Variants in CTNNA3 observed in about 807,000 individuals in gnomAD.
CTNNA3 encodes catenin alpha-3.
CTNNA3 carries 76 observed loss-of-function variants against 95.7 expected under a neutral mutation model. The observed-to-expected ratio is 0.79, with a 90% CI of 0.66 to 0.96. The LOEUF (loss-of-function observed/expected upper bound fraction) is 0.96, where lower values mean the gene tolerates loss of function less well. Ranked by LOEUF, CTNNA3 falls within the 40% of genes least tolerant of loss-of-function variation. The pLI is 0.00. For missense variants in CTNNA3, 1,191 were observed against 1,089.8 expected, an observed-to-expected ratio of 1.09 and a Z score of -1.31; for synonymous variants, 431 against 374.4, an observed-to-expected ratio of 1.15 and a Z score of -1.74.
intron 13 of CTNNA3, among the ~76,000 whole-genome samples, chr10:66,224,301 A>C (rs1179938793): frequency 2.6e-5 from 4 of 152,110 alleles, no homozygotes; most frequent in Non-Finnish European, 4.4e-5. Flanking sequence ...TGACTAATAC[A>C]AGTAGGAAGC....
chr10:67,392,836 C>T (rs1286591029), intron 5 of CTNNA3, among the ~76,000 whole-genome samples: 4 of 151,970 alleles, frequency 2.6e-5, no homozygotes, highest in Non-Finnish European at 4.4e-5. Flanking sequence ...TATTCTCACT[C>T]ATAGGTGGGA....
intron 11 of CTNNA3, among the ~76,000 whole-genome samples, chr10:66,386,592 A>G (rs1330911307): frequency 6.6e-6 from 1 of 152,172 alleles, no homozygotes; most frequent in Non-Finnish European, 1.5e-5. Context: ...TTGGAGAAAC[A>G]CTACTTTAAA....
intron 14 of CTNNA3, among the ~76,000 whole-genome samples, chr10:66,089,441 C>G (rs915249673): frequency 6.7e-6 from 1 of 150,268 alleles, no homozygotes; most frequent in Admixed American, 6.7e-5. Context: ...CTTCTATATA[C>G]TTTTGTTTAT....
intron 9 of CTNNA3, among the ~76,000 whole-genome samples, chr10:66,638,313 A>C (rs1845403342): frequency 6.6e-6 from 1 of 152,106 alleles, no homozygotes. Context: ...ACTCAAGTGC[A>C]ATTCGTGATT....
chr10:67,494,444 T>C (rs1206169407), intron 5 of CTNNA3, among the ~76,000 whole-genome samples: 4 of 152,250 alleles, frequency 2.6e-5, no homozygotes, highest in South Asian at 2.1e-4. Context: ...AGGTTTCTTT[T>C]GTAGGCCTGA....
intron 12 of CTNNA3, among the ~76,000 whole-genome samples, chr10:66,334,892 C>G (rs2092376960): frequency 6.6e-6 from 1 of 152,108 alleles, no homozygotes. Context: ...TTTGGTCTTT[C>G]ACATAGTTCC....
chr10:67,259,464 C>T (rs2132385282), intron 5 of CTNNA3, among the ~76,000 whole-genome samples: 1 of 152,074 alleles, frequency 6.6e-6, no homozygotes, highest in South Asian at 2.1e-4. Flanking sequence ...ACAATCTTGG[C>T]TCACCTACTC....
At chr10:65,961,891 T>C (rs559648383) in intron 17 of CTNNA3, among the ~76,000 whole-genome samples, 9 of 152,202 alleles carry the variant, frequency 5.9e-5, no homozygotes, top group South Asian at 2.1e-4. Flanking sequence ...GTATAAGCCA[T>C]ATTTTTGACC....
At position 66,497,239 on chromosome 10, in the gene CTNNA3, A is replaced by G. The variant is rs12763643; in HGVS notation, c.1531+23378T>C. Reference sequence around the variant, plus strand: ...AACATAATAGAGAAGAAAATATATAAAAATAACTATCATAGAAGGCAGAAA... The same window carrying G: ...AACATAATAGAGAAGAAAATATATAGAAATAACTATCATAGAAGGCAGAAA... On this transcript the variant is annotated intron_variant, in intron 11 of 17. Coordinates refer to ENST00000433211, the MANE Select transcript of CTNNA3 (RefSeq NM_013266.4). Among the ~76,000 whole-genome samples, 902 of 152,144 alleles carry G rather than the reference A, an allele frequency of 5.9e-3. 10 individuals carry two copies. The highest frequency in any genetic ancestry group is 0.021 in the African/African-American group (859 of 41,528).
chr10:66,473,311 A>G (rs2131880344), intron 11 of CTNNA3, among the ~76,000 whole-genome samples: 1 of 151,876 alleles, frequency 6.6e-6, no homozygotes, highest in South Asian at 2.1e-4. Flanking sequence ...ATAGTGAGTG[A>G]GTTATCATGA....
chr10:66,587,266 GA>G (rs368283673), intron 10 of CTNNA3, among the ~76,000 whole-genome samples: 4 of 152,288 alleles, frequency 2.6e-5, no homozygotes, highest in African/African-American at 9.6e-5. Flanking sequence ...TTGGCTTCCT[GA>G]GTGCTGGGTT....
intron 7 of CTNNA3, among the ~76,000 whole-genome samples, chr10:66,977,991 A>G (rs1380929754): frequency 1.3e-5 from 2 of 152,090 alleles, no homozygotes; most frequent in Non-Finnish European, 2.9e-5. Context: ...TGGAATAATC[A>G]AGGTTGTATA....
intron 1 of CTNNA3, among the ~76,000 whole-genome samples, chr10:67,719,731 A>C (rs1280875731): frequency 1.3e-5 from 2 of 152,172 alleles, no homozygotes; most frequent in Non-Finnish European, 2.9e-5. Context: ...TTTGTGGTCA[A>C]CTTTAGAATA....
intron 2 of CTNNA3, among the ~76,000 whole-genome samples, chr10:67,625,755 A>AG (rs11379270): frequency 0.26 from 38,835 of 152,120 alleles, 8,396 homozygotes; most frequent in African/African-American, 0.57. Context: ...ATCTGCAAAA[A>AG]GCACTCTGGC....
chr10:66,350,956 G>A (rs1380645912), intron 12 of CTNNA3, among the ~76,000 whole-genome samples: 1 of 151,932 alleles, frequency 6.6e-6, no homozygotes. Context: ...CTGATAACTT[G>A]ATAGTAAACA....
chr10:67,603,363 T>C (rs1843149441), intron 3 of CTNNA3, among the ~76,000 whole-genome samples: 1 of 152,228 alleles, frequency 6.6e-6, no homozygotes, highest in Admixed American at 6.5e-5. Context: ...TATTGCCTAG[T>C]GACCTCATAG....
chr10:66,705,673 G>A (rs1848092896), intron 9 of CTNNA3, among the ~76,000 whole-genome samples: 1 of 151,890 alleles, frequency 6.6e-6, no homozygotes. Context: ...TTTTTTGGAA[G>A]CATAATATCC....
chr10:65,944,856 CTAT>C (rs1460745747), intron 17 of CTNNA3, among the ~76,000 whole-genome samples: 2 of 44,956 alleles, frequency 4.4e-5, no homozygotes, highest in African/African-American at 1.8e-4. Flanking sequence ...AAATATCTGT[CTAT>C]CTATCTATCT....
chr10:66,142,517 G>A (rs2083672037), intron 13 of CTNNA3, among the ~76,000 whole-genome samples: 1 of 151,878 alleles, frequency 6.6e-6, no homozygotes, highest in Non-Finnish European at 1.5e-5. Flanking sequence ...ATACTTTCAA[G>A]TCATTTTGTC....
Sources: gnomAD v4.1 joint callset for allele counts (sites outside exome capture counted in the v4.1 genomes callset) on GRCh38, gnomAD v4.1.1 for gene constraint, MANE v1.5 for transcripts, NCBI Gene and HGNC (gene_info 2026-07-23, HGNC 2026-07-21) for gene names.